The following ROBO1 variants were observed in gnomAD, a reference collection of about 807,000 sequenced individuals.
ROBO1 encodes the protein roundabout guidance receptor 1.
A neutral mutation model predicts 195.9 loss-of-function variants in ROBO1; 149 were observed. The observed-to-expected ratio is 0.76, with a 90% CI of 0.67 to 0.87. The LOEUF (loss-of-function observed/expected upper bound fraction) is 0.87, where lower values mean the gene tolerates loss of function less well. ROBO1 is among the 40% of genes least tolerant of loss of function. The pLI is 0.00. For synonymous variants in ROBO1, 816 were observed against 733.2 expected (o/e 1.11, Z -1.82); for missense variants, 1,933 against 2,068.3 (o/e 0.93, Z 1.27).
intron 1 of ROBO1, among the ~76,000 whole-genome samples, chr3:79,672,752 T>C (rs1946667364): frequency 6.6e-6 from 1 of 151,890 alleles, no homozygotes; most frequent in Non-Finnish European, 1.5e-5. Context: ...AAAGTGGCAA[T>C]TTGACATGCA....
At chr3:79,731,611 TA>T (rs1481701154) in intron 1 of ROBO1, among the ~76,000 whole-genome samples, 1 of 151,834 alleles carries the variant, frequency 6.6e-6, no homozygotes, top group African/African-American at 2.4e-5. Flanking sequence ...CAAAAAACAA[TA>T]AAAAGCATTA....
At chr3:78,775,790 T>C (rs2083489062) in intron 4 of ROBO1, among the ~76,000 whole-genome samples, 2 of 152,362 alleles carry the variant, frequency 1.3e-5, no homozygotes, top group South Asian at 2.1e-4. Flanking sequence ...GGAACCATTT[T>C]TGGCCTTTGA....
At chr3:79,539,094 T>C (rs527903853) in intron 2 of ROBO1, among the ~76,000 whole-genome samples, 10 of 152,192 alleles carry the variant, frequency 6.6e-5, no homozygotes, top group South Asian at 6.2e-4. Flanking sequence ...AAAAAGAAAA[T>C]CCCATAGGTT....
At chr3:79,746,639 G>C (rs1284083578) in intron 1 of ROBO1, among the ~76,000 whole-genome samples, 1 of 151,978 alleles carries the variant, frequency 6.6e-6, no homozygotes, top group Non-Finnish European at 1.5e-5. Context: ...GTAATGAAAT[G>C]AGAAATATAC....
intron 2 of ROBO1, among the ~76,000 whole-genome samples, chr3:79,292,820 T>C (rs1416896761): frequency 2.0e-5 from 3 of 152,186 alleles, no homozygotes; most frequent in African/African-American, 7.2e-5. Flanking sequence ...TCATCCAGGA[T>C]ATTGGGCTGA....
chr3:78,750,844 A>G (rs947738601), intron 4 of ROBO1, among the ~76,000 whole-genome samples: 8 of 152,182 alleles, frequency 5.3e-5, no homozygotes, highest in African/African-American at 1.4e-4. Flanking sequence ...CCATAAACAG[A>G]GACAACCAAG....
chr3:79,135,243 T>G (rs192092315), intron 2 of ROBO1, among the ~76,000 whole-genome samples: 1 of 152,284 alleles, frequency 6.6e-6, no homozygotes, highest in East Asian at 1.9e-4. Context: ...TATTTTACAC[T>G]GCAAAAGTAT....
chr3:78,634,025 T>G lies in ROBO1; in HGVS notation c.3391A>C (p.Thr1131Pro). 1 of 1,609,778 alleles carries G rather than the reference T, an allele frequency of 6.2e-7. No homozygotes were observed. Among genetic ancestry groups the G allele is most frequent in the Non-Finnish European group, 8.5e-7 (1 of 1,177,114 alleles). Residue 1131 changes from threonine (T) to proline (P), a missense_variant, in exon 24 of 31, where the codon ACA (threonine) becomes CCA (proline). Physicochemically the swap from Thr to Pro is conservative, Grantham distance 38. This residue lies in a region of ROBO1 where 1,737 missense variants were observed against 1,882.5 expected (regional missense o/e 0.92). Transcript: ENST00000464233. ...KLNKDYRAND[T>P]VPPTIPYNQS... ...TTGTATGGGATAGTTGGAGGAACTG[T>G]GTCATTTGCTCGATAATCTAGACAT...
intron 1 of ROBO1, among the ~76,000 whole-genome samples, chr3:79,702,035 G>T (rs1646481470): frequency 6.6e-6 from 1 of 150,842 alleles, no homozygotes; most frequent in Non-Finnish European, 1.5e-5. Context: ...CACTGCTGTT[G>T]GCATGGTAAG....
intron 3 of ROBO1, among the ~76,000 whole-genome samples, chr3:78,939,722 TAAA>T (rs200023930): frequency 2.0e-5 from 3 of 150,972 alleles, no homozygotes; most frequent in Non-Finnish European, 4.4e-5. Flanking sequence ...TCTTCCTAAA[TAAA>T]AAAAAGTATA....
chr3:79,267,825 T>C (rs1485794202), intron 2 of ROBO1, among the ~76,000 whole-genome samples: 1 of 151,562 alleles, frequency 6.6e-6, no homozygotes, highest in African/African-American at 2.4e-5. Context: ...GCTTATTATT[T>C]TGAATATAAT....
intron 30 of ROBO1, 49 bp from the exon 31 acceptor site, chr3:78,598,976 T>G (rs779374192): frequency 1.7e-6 from 2 of 1,171,388 alleles, no homozygotes; most frequent in South Asian, 1.6e-5. Context: ...CTTAAGAGGA[T>G]TGTGTTATAT....
intron 2 of ROBO1, among the ~76,000 whole-genome samples, chr3:79,456,641 ACTT>A (rs1290350345): frequency 6.6e-6 from 1 of 151,994 alleles, no homozygotes; most frequent in African/African-American, 2.4e-5. Flanking sequence ...ATCAATTACA[ACTT>A]CTTATCATAC....
intron 4 of ROBO1, among the ~76,000 whole-genome samples, chr3:78,774,623 A>T (rs9631513): frequency 0.26 from 38,427 of 149,914 alleles, 5,043 homozygotes; most frequent in Non-Finnish European, 0.28. Flanking sequence ...AAAAAAATCT[A>T]CCACTTGAAA....
intron 2 of ROBO1, among the ~76,000 whole-genome samples, chr3:79,165,829 A>C (rs1041674708): frequency 1.3e-5 from 2 of 152,230 alleles, no homozygotes; most frequent in Non-Finnish European, 2.9e-5. Context: ...TGCTGGGAAG[A>C]TATTTTATTG....
At chr3:78,715,622 C>T (rs1307735061) in intron 7 of ROBO1, among the ~76,000 whole-genome samples, 2 of 152,214 alleles carry the variant, frequency 1.3e-5, no homozygotes, top group African/African-American at 4.8e-5. Context: ...ACCTCCGCCT[C>T]CAGGGCTCAA....
At chr3:79,371,319 G>C (rs1172231897) in intron 2 of ROBO1, among the ~76,000 whole-genome samples, 2 of 152,090 alleles carry the variant, frequency 1.3e-5, no homozygotes, top group Non-Finnish European at 2.9e-5. Flanking sequence ...GCCAGATATA[G>C]CTTCTGGAAA....
At chr3:78,929,653 C>T (rs1163267780) in intron 4 of ROBO1, among the ~76,000 whole-genome samples, 1 of 151,890 alleles carries the variant, frequency 6.6e-6, no homozygotes, top group Non-Finnish European at 1.5e-5. Flanking sequence ...CAGGCATGCA[C>T]CACCACGCCC....
At position 79,697,034 on chromosome 3, in the gene ROBO1, G is replaced by A. The variant is rs561053499; in HGVS notation, c.-51+70718C>T. On this transcript the variant is annotated intron_variant, in intron 1 of 30. Transcript: ENST00000464233. ...TAGTGACAGAGACGTGCTACAAGTC[G>A]GAGAAAAATAAAGGAAAAGAAAGGT... 1.9e-4 allele frequency among the ~76,000 whole-genome samples: 28 copies of A among 151,228 alleles called. 1 individual carries two copies. Among genetic ancestry groups the A allele is most frequent in the Admixed American group, 1.1e-3 (17 of 15,078 alleles).
Sources: gnomAD v4.1 joint callset for allele counts (sites outside exome capture counted in the v4.1 genomes callset) on GRCh38, gnomAD v4.1.1 for gene constraint, gnomAD v4.1.1 regional missense constraint, MANE v1.5 for transcripts, NCBI Gene and HGNC (gene_info 2026-07-23, HGNC 2026-07-21) for gene names.